Variants in TRPC3 observed in about 807,000 individuals in gnomAD.
TRPC3 encodes the protein short transient receptor potential channel 3.
A neutral mutation model predicts 90.9 loss-of-function variants in TRPC3; 54 were observed. The ratio of observed to expected loss-of-function variants is 0.59; its 90% CI spans 0.48 to 0.75. TRPC3 has a LOEUF of 0.75. TRPC3 is among the 30% of genes least tolerant of loss of function. The pLI is 0.00. For synonymous variants in TRPC3, 424 were observed against 450.9 expected (o/e 0.94, Z 0.75); for missense variants, 918 against 1,194.5 (o/e 0.77, Z 3.41).
At chr4:121,881,624 G>T (rs1040761764) in intron 11 of TRPC3, among the ~76,000 whole-genome samples, 11 of 152,154 alleles carry the variant, frequency 7.2e-5, no homozygotes, top group African/African-American at 2.7e-4. Context: ...CAAAGCCTAT[G>T]AACAATTTTA....
Position 121,951,347 on chromosome 4 carries a change from C to G in TRPC3, c.215+119G>C, listed in dbSNP as rs1171723359. 2 of 599,572 alleles carry G rather than the reference C, an allele frequency of 3.3e-6. No homozygotes were observed. The highest frequency in any genetic ancestry group is 4.5e-6 in the Non-Finnish European group (2 of 447,926). The allele number at this position is 599,572 out of a possible 1,614,324, so 37.1% of individuals were successfully genotyped here. A position where few individuals can be genotyped will look rare whatever the true frequency, so the allele number is the denominator to read the frequency against. ...ATCACTCCAAATCGAACTGCCTGGC[C>G]GTACCATGTGGGTCTCGGAGGTCCC... On this transcript the variant is annotated intron_variant, in intron 1 of 11. Transcript: ENST00000379645. The surrounding 1 kb of genome is among the most constrained non-coding windows in gnomAD (Gnocchi z 4.4).
In TRPC3 at chr4:121,943,385, C is replaced by A. The variant is rs1472942390; in HGVS notation, c.215+8081G>T. 2.0e-5 allele frequency among the ~76,000 whole-genome samples: 3 copies of A among 152,126 alleles called. No homozygotes were observed. In the East Asian group the frequency reaches 5.8e-4, roughly 29 times the overall value. On this transcript the variant is annotated intron_variant, in intron 1 of 11. Transcript: ENST00000379645. ...TAATAACATTTAATTCTTAGTTACACCACAAAAGTATTTGGTGCATTCTCT... is the reference window on the plus strand; with the variant it reads ...TAATAACATTTAATTCTTAGTTACAACACAAAAGTATTTGGTGCATTCTCT...
At chr4:121,918,463 T>A (rs150088510) in intron 3 of TRPC3, among the ~76,000 whole-genome samples, 179 of 152,358 alleles carry the variant, frequency 1.2e-3, no homozygotes, top group African/African-American at 4.1e-3. Context: ...TGTCATTAAT[T>A]ACATATTTAT....
intron 1 of TRPC3, 85 bp from the exon 2 acceptor site, chr4:121,933,127 C>A: frequency 6.8e-7 from 1 of 1,466,898 alleles, no homozygotes; most frequent in Non-Finnish European, 9.0e-7. Flanking sequence ...CTGGAATACA[C>A]ACTACCCACT....
At position 121,911,413 on chromosome 4, in the gene TRPC3, T is replaced by G. The variant is rs1261174856; in HGVS notation, c.1558+464A>C. On this transcript the variant is annotated intron_variant, in intron 5 of 11. Coordinates refer to ENST00000379645, the MANE Select transcript of TRPC3 (RefSeq NM_001130698.2). ...GCAAAAGTAATTGCAGTTTTTGCCA[T>G]TTTAAAAATAGTAAAAACCACAGTT... is the stretch of plus-strand genomic sequence containing the variant. Among the ~76,000 whole-genome samples the G allele has an allele frequency of 2.0e-5, 3 of 152,060 alleles. No individual in the cohort carries two copies. The South Asian group carries it at 6.2e-4, about 32-fold the overall frequency.
intron 4 of TRPC3, among the ~76,000 whole-genome samples, chr4:121,912,918 C>T (rs1729161500): frequency 6.6e-6 from 1 of 152,212 alleles, no homozygotes; most frequent in South Asian, 2.1e-4. Flanking sequence ...GAATTAGGTA[C>T]ATTTGGTAGA....
rs565211986 is a variant in TRPC3, at chr4:121,890,439, G to T, written c.2548-8010C>A. ...ATATCACACTGTATGCCATAAGTATGCATAATTATAATGTGTCAATTAAAA... is the reference window on the plus strand; with the variant it reads ...ATATCACACTGTATGCCATAAGTATTCATAATTATAATGTGTCAATTAAAA... On this transcript the variant is annotated intron_variant, in intron 10 of 11. Coordinates refer to ENST00000379645, the MANE Select transcript of TRPC3 (RefSeq NM_001130698.2). Among the ~76,000 whole-genome samples the T allele has an allele frequency of 2.6e-5, 4 of 152,098 alleles. No individual in the cohort carries two copies. The East Asian group carries it at 5.8e-4, about 22-fold the overall frequency.
intron 1 of TRPC3, among the ~76,000 whole-genome samples, chr4:121,950,209 G>A (rs1005855683): frequency 1.3e-5 from 2 of 152,158 alleles, no homozygotes; most frequent in Non-Finnish European, 2.9e-5. Context: ...TCTACTCCCA[G>A]CCACTGATTG....
At chr4:121,945,701 C>A (rs1326480449) in intron 1 of TRPC3, among the ~76,000 whole-genome samples, 2 of 152,158 alleles carry the variant, frequency 1.3e-5, no homozygotes, top group Non-Finnish European at 2.9e-5. Flanking sequence ...AAGTGACAAC[C>A]CTCCTGCACC....
Position 121,932,873 on chromosome 4 carries a change from G to A in TRPC3, c.385C>T (p.Arg129Cys), listed in dbSNP as rs760674604. 6.2e-7 allele frequency: 1 copy of A among 1,613,812 alleles called. No homozygotes were observed. The highest frequency in any genetic ancestry group is 1.1e-5 in the South Asian group (1 of 91,012). ...GTCTTGGACTCCTCCAGCATCTTGC[G>A]CACCACTGGGATGTTGCCGTACTCG... ...AAEYGNIPVV[R>C]KMLEESKTLN... The change falls in exon 2 of 12, where the codon CGC (arginine) becomes TGC (cysteine). Residue 129 changes from arginine to cysteine, a missense_variant. Physicochemically the swap from Arg to Cys is radical, Grantham distance 180. Coordinates refer to ENST00000379645, the MANE Select transcript of TRPC3 (RefSeq NM_001130698.2). The surrounding 1 kb of genome is among the most constrained non-coding windows in gnomAD (Gnocchi z 7.7).
chr4:121,942,948 A>G (rs1032950411), intron 1 of TRPC3, among the ~76,000 whole-genome samples: 2 of 152,236 alleles, frequency 1.3e-5, no homozygotes, highest in African/African-American at 4.8e-5. Context: ...TTATGCTTCT[A>G]GGAACTGTGT....
At chr4:121,892,833 G>A (rs1248842686) in intron 10 of TRPC3, among the ~76,000 whole-genome samples, 1 of 151,978 alleles carries the variant, frequency 6.6e-6, no homozygotes, top group Non-Finnish European at 1.5e-5. Flanking sequence ...GAGAAATAAG[G>A]AAGAGGTTGG....
At chr4:121,934,011 T>C (rs1164947546) in intron 1 of TRPC3, among the ~76,000 whole-genome samples, 2 of 152,216 alleles carry the variant, frequency 1.3e-5, no homozygotes, top group African/African-American at 4.8e-5. Context: ...ATCACTAGAA[T>C]TACTTTGTGA....
chr4:121,879,413 T>C lies in TRPC3; in HGVS notation c.*323A>G, dbSNP rs201636833. 1.9e-5 allele frequency: 5 copies of C among 262,754 alleles called. No individual in the cohort carries two copies. Among genetic ancestry groups the C allele is most frequent in the Non-Finnish European group, 2.9e-5 (4 of 139,596 alleles). The allele number at this position is 262,754 out of a possible 1,614,324, so 16.3% of individuals were successfully genotyped here. A position where few individuals can be genotyped will look rare whatever the true frequency, so the allele number is the denominator to read the frequency against. ...AAAGATGAATAAGACATGGTCCCTG[T>C]CCCCAAGGAACTGATAGTCTCTTGG... On this transcript the variant is annotated 3_prime_UTR_variant, in exon 12 of 12. Coordinates refer to ENST00000379645, the MANE Select transcript of TRPC3 (RefSeq NM_001130698.2).
In TRPC3 at chr4:121,951,346, C is replaced by G. The variant is rs989081859; in HGVS notation, c.215+120G>C. On this transcript the variant is annotated intron_variant, in intron 1 of 11. Transcript: ENST00000379645. The surrounding 1 kb of genome is among the most constrained non-coding windows in gnomAD (Gnocchi z 4.4). ...AATCACTCCAAATCGAACTGCCTGG[C>G]CGTACCATGTGGGTCTCGGAGGTCC... 1.5e-5 allele frequency: 9 copies of G among 595,886 alleles called. No homozygotes were observed. The highest frequency in any genetic ancestry group is 2.0e-5 in the Non-Finnish European group (9 of 444,658). 36.9% of individuals were successfully genotyped at this position (595,886 alleles called of 1,614,324 possible). A position where few individuals can be genotyped will look rare whatever the true frequency, so the allele number is the denominator to read the frequency against.
intron 2 of TRPC3, among the ~76,000 whole-genome samples, chr4:121,926,045 C>T (rs2149137166): frequency 1.3e-5 from 2 of 152,244 alleles, no homozygotes; most frequent in African/African-American, 4.8e-5. Flanking sequence ...AAAACTAAGT[C>T]AACTGTGTTA....
chr4:121,889,969 A>G (rs1372581467), intron 10 of TRPC3, among the ~76,000 whole-genome samples: 1 of 152,202 alleles, frequency 6.6e-6, no homozygotes, highest in African/African-American at 2.4e-5. Flanking sequence ...ATATATACAC[A>G]CAGTGGAATT....
intron 10 of TRPC3, among the ~76,000 whole-genome samples, chr4:121,893,011 C>T (rs568035680): frequency 1.1e-3 from 162 of 151,588 alleles, no homozygotes; most frequent in African/African-American, 3.6e-3. Flanking sequence ...GTCCCAGCTA[C>T]TCGGGAGGCT....
intron 8 of TRPC3, 96 bp downstream of exon 8, chr4:121,904,226 A>T: frequency 1.8e-6 from 2 of 1,102,670 alleles, no homozygotes; most frequent in East Asian, 2.6e-5. Flanking sequence ...CCTCTTTGTT[A>T]CATGAGCTGG....
Sources: gnomAD v4.1 joint callset for allele counts (sites outside exome capture counted in the v4.1 genomes callset) on GRCh38, gnomAD v4.1.1 for gene constraint, Gnocchi (gnomAD v3.1) non-coding constraint, MANE v1.5 for transcripts, NCBI Gene and HGNC (gene_info 2026-07-23, HGNC 2026-07-21) for gene names.